The following PDE3B variants were observed in gnomAD, a reference collection of about 807,000 sequenced individuals.
PDE3B encodes the protein cGMP-inhibited 3',5'-cyclic phosphodiesterase 3B.
PDE3B carries 66 observed loss-of-function variants against 116.8 expected under a neutral mutation model. That is an observed-to-expected ratio of 0.56 (90% CI 0.46 to 0.69). PDE3B has a LOEUF of 0.69. Ranked by LOEUF, PDE3B falls within the 30% of genes least tolerant of loss-of-function variation. PDE3B has a pLI of 0.00. For missense variants in PDE3B, 1,384 were observed against 1,368.1 expected (o/e 1.01, Z -0.18); for synonymous variants, 595 against 533.6 (o/e 1.12, Z -1.59).
downstream of PDE3B, among the ~76,000 whole-genome samples, chr11:14,873,560 T>C (rs1848164482): frequency 2.6e-5 from 4 of 152,200 alleles, no homozygotes; most frequent in Admixed American, 2.6e-4. Context: ...AGATAGGGTA[T>C]ATCAGAGGAG....
At chr11:14,745,812 G>A (rs1171504509) in intron 1 of PDE3B, among the ~76,000 whole-genome samples, 2 of 152,232 alleles carry the variant, frequency 1.3e-5, no homozygotes, top group East Asian at 1.9e-4. Context: ...AAGAATTAAT[G>A]TATATTGGCT....
the PDE3B span, among the ~76,000 whole-genome samples, chr11:14,897,983 C>T: frequency 6.6e-6 from 1 of 152,100 alleles, no homozygotes; most frequent in East Asian, 1.9e-4. Context: ...GAATAGGATC[C>T]CTGTATTACT....
At chr11:14,864,218 A>T (rs1159214277) in intron 14 of PDE3B, among the ~76,000 whole-genome samples, 1 of 152,218 alleles carries the variant, frequency 6.6e-6, no homozygotes, top group Non-Finnish European at 1.5e-5. Flanking sequence ...AGGGCATTAA[A>T]TAATGGTAAA....
chr11:14,650,360 G>A (rs927743431), intron 1 of PDE3B, among the ~76,000 whole-genome samples: 9 of 152,036 alleles, frequency 5.9e-5, no homozygotes, highest in Admixed American at 5.9e-4. Flanking sequence ...GTGCCATCAT[G>A]CCCAGCTAAT....
Position 14,644,818 on chromosome 11 carries a change from T to C in PDE3B, c.743T>C (p.Leu248Pro), listed in dbSNP as rs146930117. 2,860 of 1,612,028 alleles carry C rather than the reference T, an allele frequency of 1.8e-3. 2 individuals are homozygous for C. The highest frequency in any genetic ancestry group is 2.3e-3 in the Non-Finnish European group (2,708 of 1,179,048). The change falls in exon 1 of 16, where the codon CTC becomes CCC. Residue 248 changes from leucine (L) to proline (P), a missense_variant. Physicochemically the swap from Leu to Pro is moderately conservative, Grantham distance 98. Transcript: ENST00000282096. ...GSLPSALRPL[L>P]SGLVGGAGCL... is the part of the protein sequence containing the mutation. ...CTGCCCTCCGCCCTCAGGCCGCTGC[T>C]CTCCGGCCTGGTGGGGGGCGCTGGC...
At chr11:14,687,688 CA>C (rs982591157) in intron 1 of PDE3B, among the ~76,000 whole-genome samples, 3 of 152,152 alleles carry the variant, frequency 2.0e-5, no homozygotes, top group Non-Finnish European at 2.9e-5. Flanking sequence ...TACAGAGCTA[CA>C]AAAATAGTCT....
chr11:14,742,870 G>C (rs904565999), intron 1 of PDE3B, among the ~76,000 whole-genome samples: 2 of 152,072 alleles, frequency 1.3e-5, no homozygotes, highest in Non-Finnish European at 1.5e-5. Flanking sequence ...TCCAGACCCT[G>C]TTTGCCTGAA....
intron 1 of PDE3B, among the ~76,000 whole-genome samples, chr11:14,657,330 T>C (rs1222976387): frequency 1.3e-5 from 2 of 152,202 alleles, no homozygotes; most frequent in African/African-American, 4.8e-5. Flanking sequence ...AGAAACTGTA[T>C]GTAAAAAAGT....
intron 1 of PDE3B, among the ~76,000 whole-genome samples, chr11:14,704,689 T>C (rs1855476877): frequency 6.6e-6 from 1 of 151,682 alleles, no homozygotes; most frequent in African/African-American, 2.4e-5. Context: ...GGAAAAACTG[T>C]ATAATACGTA....
chr11:14,700,558 G>T (rs746138216), intron 1 of PDE3B: 1 of 151,648 alleles, frequency 6.6e-6, no homozygotes, highest in Non-Finnish European at 1.5e-5. Flanking sequence ...CATATTTAGG[G>T]TATTATTTTT....
intron 7 of PDE3B, among the ~76,000 whole-genome samples, chr11:14,829,175 G>A (rs1165988687): frequency 2.6e-5 from 4 of 151,536 alleles, no homozygotes; most frequent in Non-Finnish European, 5.9e-5. Context: ...TGGGCGGAGG[G>A]AGAGGATCAG....
the PDE3B span, among the ~76,000 whole-genome samples, chr11:14,894,361 G>A: frequency 6.6e-6 from 1 of 152,172 alleles, no homozygotes; most frequent in Non-Finnish European, 1.5e-5. Context: ...ACCAGGAGCT[G>A]AGGAATATCA....
In PDE3B at chr11:14,644,063, C is replaced by G; in HGVS notation, c.-13C>G. ...GGGTGTGCTGAGTCCCGTGGCCACC[C>G]CCGGCCCCAGCCATGAGGAGGGACG... On this transcript the variant is annotated 5_prime_UTR_variant, in exon 1 of 16. Transcript: ENST00000282096. 6.6e-7 allele frequency: 1 copy of G among 1,503,922 alleles called. No homozygotes were observed. Among genetic ancestry groups the G allele is most frequent in the Non-Finnish European group, 8.8e-7 (1 of 1,137,502 alleles). The allele number at this position is 1,503,922 out of a possible 1,614,324, so 93.2% of individuals were successfully genotyped here. A position where few individuals can be genotyped will look rare whatever the true frequency, so the allele number is the denominator to read the frequency against.
chr11:14,651,766 T>G (rs1853581550), intron 1 of PDE3B, among the ~76,000 whole-genome samples: 1 of 152,234 alleles, frequency 6.6e-6, no homozygotes, highest in Non-Finnish European at 1.5e-5. Context: ...AAAAGTTTAT[T>G]TATTCTCCAT....
At chr11:14,660,058 A>G (rs1200321638) in intron 1 of PDE3B, among the ~76,000 whole-genome samples, 1 of 152,200 alleles carries the variant, frequency 6.6e-6, no homozygotes, top group African/African-American at 2.4e-5. Context: ...CCCTGAAGGC[A>G]TAATTGTTAG....
At chr11:14,697,575 T>A (rs986658696) in intron 1 of PDE3B, among the ~76,000 whole-genome samples, 3 of 152,074 alleles carry the variant, frequency 2.0e-5, no homozygotes, top group African/African-American at 7.2e-5. Flanking sequence ...ACCTTTGCAT[T>A]TGTATGTAAT....
chr11:14,677,480 A>C (rs549169718), intron 1 of PDE3B, among the ~76,000 whole-genome samples: 13 of 152,238 alleles, frequency 8.5e-5, no homozygotes. Flanking sequence ...AATTGTAAAC[A>C]TATTCTCAAT....
intron 1 of PDE3B, among the ~76,000 whole-genome samples, chr11:14,722,311 T>TA (rs761273011): frequency 0.013 from 1,923 of 145,598 alleles, 38 homozygotes; most frequent in African/African-American, 0.045. Flanking sequence ...AAAGTATAAT[T>TA]AAAAAAAAAA....
chr11:14,651,086 A>C (rs1377982974), intron 1 of PDE3B, among the ~76,000 whole-genome samples: 1 of 152,176 alleles, frequency 6.6e-6, no homozygotes, highest in Admixed American at 6.5e-5. Flanking sequence ...TCTGGAGGCC[A>C]GAAGTCCAAG....
Sources: allele counts gnomAD v4.1 joint callset (sites outside exome capture counted in the v4.1 genomes callset), GRCh38; gene constraint gnomAD v4.1.1; transcripts MANE v1.5; gene names NCBI Gene and HGNC (gene_info 2026-07-23, HGNC 2026-07-21).